Variants in RCAN2 observed in about 807,000 individuals in gnomAD.
RCAN2 encodes the protein regulator of calcineurin 2.
Under a neutral mutation model 23.6 loss-of-function variants are expected in RCAN2, and 9 were observed. The observed-to-expected ratio is 0.38, with a 90% CI of 0.23 to 0.67. The LOEUF (loss-of-function observed/expected upper bound fraction) is 0.67, where lower values mean the gene tolerates loss of function less well. RCAN2 is among the 30% of genes least tolerant of loss of function. The pLI is 0.51. For synonymous variants in RCAN2, 109 were observed against 115.7 expected, an observed-to-expected ratio of 0.94 and a Z score of 0.37; for missense variants, 273 against 302.3, an observed-to-expected ratio of 0.90 and a Z score of 0.72.
At chr6:46,266,873 G>A (rs1281789073) in intron 2 of RCAN2, among the ~76,000 whole-genome samples, 1 of 152,136 alleles carries the variant, frequency 6.6e-6, no homozygotes, top group African/African-American at 2.4e-5. Flanking sequence ...TCACCAGTCG[G>A]AGGCAGACCT....
chr6:46,365,532 G>A (rs1019892276), intron 2 of RCAN2, among the ~76,000 whole-genome samples: 1 of 151,946 alleles, frequency 6.6e-6, no homozygotes, highest in Non-Finnish European at 1.5e-5. Flanking sequence ...AGAAAAAAAA[G>A]AGAAATTGTC....
At chr6:46,477,015 T>A (rs1339044183) in intron 1 of RCAN2, among the ~76,000 whole-genome samples, 2 of 151,946 alleles carry the variant, frequency 1.3e-5, no homozygotes, top group Non-Finnish European at 1.5e-5. Context: ...AAGAACAGAG[T>A]TTGGATTGCT....
chr6:46,276,544 A>T (rs1253646354), intron 2 of RCAN2, among the ~76,000 whole-genome samples: 1 of 152,178 alleles, frequency 6.6e-6, no homozygotes, highest in Non-Finnish European at 1.5e-5. Flanking sequence ...ACGTGTTTAA[A>T]CTCTAATCTA....
intron 4 of RCAN2, among the ~76,000 whole-genome samples, chr6:46,233,565 G>C (rs138424368): frequency 0.011 from 1,636 of 152,220 alleles, 32 homozygotes; most frequent in African/African-American, 0.037. Flanking sequence ...TGAGGGCAAG[G>C]CTCAGGCCAG....
At chr6:46,261,423 G>T (rs1247095798) in intron 2 of RCAN2, among the ~76,000 whole-genome samples, 2 of 152,106 alleles carry the variant, frequency 1.3e-5, no homozygotes, top group Non-Finnish European at 1.5e-5. Context: ...CCTCATAGGG[G>T]TATCCTGGCT....
intron 1 of RCAN2, among the ~76,000 whole-genome samples, chr6:46,463,548 T>C (rs1173257542): frequency 6.6e-6 from 1 of 152,194 alleles, no homozygotes; most frequent in Non-Finnish European, 1.5e-5. Context: ...ACATTTCCTT[T>C]AAGGATTCTC....
intron 2 of RCAN2, among the ~76,000 whole-genome samples, chr6:46,442,541 T>C (rs1219703576): frequency 6.6e-6 from 1 of 152,184 alleles, no homozygotes; most frequent in African/African-American, 2.4e-5. Flanking sequence ...CTGTATAGAC[T>C]AGAAGCAGCT....
chr6:46,287,014 A>AG (rs949566195), intron 2 of RCAN2, among the ~76,000 whole-genome samples: 1 of 152,084 alleles, frequency 6.6e-6, no homozygotes, highest in African/African-American at 2.4e-5. Context: ...TCAAAAAAAA[A>AG]AAAGAAAGAA....
chr6:46,430,068 G>T (rs554617804), intron 2 of RCAN2, among the ~76,000 whole-genome samples: 7 of 152,216 alleles, frequency 4.6e-5, no homozygotes, highest in East Asian at 1.9e-4. Flanking sequence ...GCTTTGGGTG[G>T]GTTTTACACA....
intron 2 of RCAN2, among the ~76,000 whole-genome samples, chr6:46,397,111 C>CA (rs892690255): frequency 2.6e-5 from 4 of 151,218 alleles, no homozygotes; most frequent in East Asian, 1.9e-4. Context: ...AACTCTATTT[C>CA]AAAAAAAATA....
chr6:46,347,667 AAAC>A, intron 2 of RCAN2, among the ~76,000 whole-genome samples: 1 of 152,340 alleles, frequency 6.6e-6, no homozygotes, highest in South Asian at 2.1e-4. Flanking sequence ...TAAAATCTCA[AAAC>A]AACCCACTAC....
chr6:46,463,964 C>T (rs1368856909), intron 1 of RCAN2, among the ~76,000 whole-genome samples: 1 of 152,044 alleles, frequency 6.6e-6, no homozygotes, highest in Non-Finnish European at 1.5e-5. Flanking sequence ...GCCTTGATTC[C>T]ATGTTATGGC....
Position 46,238,881 on chromosome 6 carries a change from G to C in RCAN2, c.571+7867C>G, listed in dbSNP as rs530279801. Among the ~76,000 whole-genome samples, 232 of 152,220 alleles carry C rather than the reference G, an allele frequency of 1.5e-3. 1 individual carries two copies. The highest frequency in any genetic ancestry group is 2.9e-3 in the Non-Finnish European group (197 of 68,012). On this transcript the variant is annotated intron_variant, in intron 4 of 4. Transcript: ENST00000371374. ...ACATTTTAATAGAAGGCTAATATAT[G>C]GTTTGAAAATCAAGTGATAATAAAT...
chr6:46,320,969 G>A, intron 2 of RCAN2, among the ~76,000 whole-genome samples: 1 of 152,122 alleles, frequency 6.6e-6, no homozygotes, highest in Non-Finnish European at 1.5e-5. Flanking sequence ...GATTGAAACA[G>A]GTTAAATAGT....
At chr6:46,402,951 C>T (rs1422358576) in intron 2 of RCAN2, among the ~76,000 whole-genome samples, 1 of 151,546 alleles carries the variant, frequency 6.6e-6, no homozygotes. Flanking sequence ...TACTAGGTTG[C>T]TATGCTACAT....
In RCAN2 at chr6:46,239,754, AG is replaced by A. The variant is rs1339605221; in HGVS notation, c.571+6993del. Reference sequence around the variant, plus strand: ...GAGCATACTCTGTAGTTTTGGTATAAGGGGAGCTATATATATTTCAGTATAA... The same window carrying A: ...GAGCATACTCTGTAGTTTTGGTATAAGGGAGCTATATATATTTCAGTATAA... On this transcript the variant is annotated intron_variant, in intron 4 of 4. Coordinates refer to ENST00000371374, the MANE Select transcript of RCAN2 (RefSeq NM_001251974.2). Among the ~76,000 whole-genome samples the A allele has an allele frequency of 2.6e-5, 4 of 152,128 alleles. No individual in the cohort carries two copies. The East Asian group carries it at 7.7e-4, about 29-fold the overall frequency.
At chr6:46,269,389 G>A (rs1767447617) in intron 2 of RCAN2, among the ~76,000 whole-genome samples, 1 of 152,152 alleles carries the variant, frequency 6.6e-6, no homozygotes, top group Non-Finnish European at 1.5e-5. Flanking sequence ...CTTTTTCACA[G>A]CAGCTGTGTT....
At chr6:46,261,203 G>A (rs767300016) in intron 2 of RCAN2, among the ~76,000 whole-genome samples, 4 of 152,154 alleles carry the variant, frequency 2.6e-5, no homozygotes, top group Non-Finnish European at 4.4e-5. Flanking sequence ...TCTCACAAGA[G>A]GACAGGAATT....
intron 2 of RCAN2, among the ~76,000 whole-genome samples, chr6:46,427,568 T>A (rs1767066010): frequency 6.6e-6 from 1 of 152,356 alleles, no homozygotes; most frequent in East Asian, 1.9e-4. Flanking sequence ...ATAACAAGAC[T>A]GGGTAAAATG....
Sources: gnomAD v4.1 joint callset for allele counts (sites outside exome capture counted in the v4.1 genomes callset) on GRCh38, gnomAD v4.1.1 for gene constraint, MANE v1.5 for transcripts, NCBI Gene and HGNC (gene_info 2026-07-23, HGNC 2026-07-21) for gene names.